The following BRINP3 variants were observed in gnomAD, a reference collection of about 807,000 sequenced individuals.
BRINP3 encodes the protein BMP/retinoic acid inducible neural specific 3.
A neutral mutation model predicts 71.0 loss-of-function variants in BRINP3; 19 were observed. That is an observed-to-expected ratio of 0.27 (90% confidence interval 0.19 to 0.39). BRINP3 has a LOEUF of 0.39. Ranked by LOEUF, BRINP3 falls within the 10% of genes least tolerant of loss-of-function variation. BRINP3 has a pLI of 1.00. For synonymous variants in BRINP3, 380 were observed against 337.7 expected (o/e 1.13, Z -1.37); for missense variants, 959 against 940.8 (o/e 1.02, Z -0.25).
chr1:190,130,902 A>G (rs1654487115), intron 7 of BRINP3, among the ~76,000 whole-genome samples: 1 of 151,874 alleles, frequency 6.6e-6, no homozygotes. Context: ...ATGAAAAGCC[A>G]CCATACATCG....
chr1:190,154,012 T>C, intron 7 of BRINP3: 1 of 813,990 alleles, frequency 1.2e-6, no homozygotes, highest in Non-Finnish European at 1.5e-6. Context: ...AAACAATCCA[T>C]GACTTATATG....
chr1:190,422,146 G>GCAAA (rs1673429826), intron 2 of BRINP3, among the ~76,000 whole-genome samples: 1 of 151,600 alleles, frequency 6.6e-6, no homozygotes, highest in Admixed American at 6.6e-5. Context: ...TCTATATAGT[G>GCAAA]CAAATCATAG....
chr1:190,196,369 G>T (rs1654480237), intron 6 of BRINP3, among the ~76,000 whole-genome samples: 1 of 152,096 alleles, frequency 6.6e-6, no homozygotes, highest in African/African-American at 2.4e-5. Context: ...TAATGGTTCT[G>T]CTAATGTGAC....
intron 1 of BRINP3, among the ~76,000 whole-genome samples, chr1:190,462,500 C>T (rs1676462586): frequency 6.6e-6 from 1 of 152,022 alleles, no homozygotes; most frequent in East Asian, 1.9e-4. Flanking sequence ...ATTGAATAGC[C>T]TGTTCCTCTC....
At chr1:190,477,243 A>T (rs1245674988) in intron 1 of BRINP3, among the ~76,000 whole-genome samples, 3 of 152,214 alleles carry the variant, frequency 2.0e-5, no homozygotes, top group African/African-American at 7.2e-5. Context: ...TTGGGGTAAT[A>T]CATGGGATAT....
At chr1:190,139,539 T>C (rs1031158989) in intron 7 of BRINP3, among the ~76,000 whole-genome samples, 6 of 151,934 alleles carry the variant, frequency 3.9e-5, no homozygotes, top group Non-Finnish European at 7.4e-5. Context: ...CAAAATCATA[T>C]TGAATATGAA....
intron 2 of BRINP3, among the ~76,000 whole-genome samples, chr1:190,386,598 A>AG (rs1305436339): frequency 1.1e-4 from 16 of 152,108 alleles, no homozygotes; most frequent in Middle Eastern, 3.4e-3. Flanking sequence ...TAATTTTGTA[A>AG]GGAATCAATA....
intron 2 of BRINP3, among the ~76,000 whole-genome samples, chr1:190,364,898 A>G (rs114501637): frequency 1.9e-3 from 291 of 152,254 alleles, no homozygotes; most frequent in Non-Finnish European, 3.5e-3. Context: ...GACTATGTAG[A>G]GAATTAATTC....
At chr1:190,101,160 A>G (rs1651667993) in intron 7 of BRINP3, among the ~76,000 whole-genome samples, 2 of 152,136 alleles carry the variant, frequency 1.3e-5, no homozygotes. Context: ...CGAGTCTGTG[A>G]TATTCTCTTA....
chr1:190,431,365 T>G (rs1674087911), intron 2 of BRINP3, among the ~76,000 whole-genome samples: 1 of 152,150 alleles, frequency 6.6e-6, no homozygotes, highest in Admixed American at 6.6e-5. Context: ...TATTTTTATT[T>G]ACTTATATTT....
intron 5 of BRINP3, among the ~76,000 whole-genome samples, chr1:190,227,129 T>A (rs544468753): frequency 2.6e-5 from 4 of 151,936 alleles, no homozygotes; most frequent in African/African-American, 9.6e-5. Context: ...TTTAAACAAA[T>A]AAGTAGGTAA....
At chr1:190,273,867 G>T (rs892160027) in intron 3 of BRINP3, among the ~76,000 whole-genome samples, 6 of 151,516 alleles carry the variant, frequency 4.0e-5, no homozygotes, top group Admixed American at 6.6e-5. Context: ...ATGATAATGT[G>T]GTAGATTATT....
intron 2 of BRINP3, among the ~76,000 whole-genome samples, chr1:190,358,687 A>T (rs2102099822): frequency 6.6e-6 from 1 of 152,300 alleles, no homozygotes; most frequent in South Asian, 2.1e-4. Context: ...ATTATAAATC[A>T]TGCTGCTATA....
chr1:190,157,568 C>G (rs966294959), intron 7 of BRINP3, among the ~76,000 whole-genome samples: 1 of 152,042 alleles, frequency 6.6e-6, no homozygotes, highest in African/African-American at 2.4e-5. Flanking sequence ...CATCTTCTTG[C>G]ACTTTCTATT....
rs545470975 is a variant in BRINP3 at position 190,236,894 on chromosome 1, G to A, written c.619-2417C>T. Among the ~76,000 whole-genome samples, 5 of 151,782 alleles carry A rather than the reference G, an allele frequency of 3.3e-5. No homozygotes were observed. The East Asian group carries it at 5.8e-4, about 18-fold the overall frequency. ...ATCACATGAATATAAACACACACAC[G>A]CCTGCCTTTTTTAGAAAGTTTTCTA... On this transcript the variant is annotated intron_variant, in intron 4 of 7. Coordinates refer to ENST00000367462, the MANE Select transcript of BRINP3 (RefSeq NM_199051.3).
At chr1:190,328,686 T>C (rs1418449073) in intron 2 of BRINP3, among the ~76,000 whole-genome samples, 1 of 148,994 alleles carries the variant, frequency 6.7e-6, no homozygotes, top group Non-Finnish European at 1.5e-5. Flanking sequence ...GAAGCCAGCA[T>C]TACCCTGATA....
intron 2 of BRINP3, among the ~76,000 whole-genome samples, chr1:190,337,511 T>C (rs976701453): frequency 1.3e-5 from 2 of 152,052 alleles, no homozygotes; most frequent in African/African-American, 4.8e-5. Context: ...AGGGCTAGAC[T>C]GGCTGAGTCT....
At position 190,300,812 on chromosome 1, in the gene BRINP3, C is replaced by A. The variant is rs1248560874; in HGVS notation, c.237-19062G>T. 2.0e-5 allele frequency among the ~76,000 whole-genome samples: 3 copies of A among 152,118 alleles called. No homozygotes were observed. In the East Asian group the frequency reaches 5.8e-4, roughly 30 times the overall value. ...CATCAAAGACCAAAAGTAGATAAAA[C>A]CACAAAGATGGGGAAAAAACAGAGC... On this transcript the variant is annotated intron_variant, in intron 2 of 7. Transcript: ENST00000367462.
intron 2 of BRINP3, among the ~76,000 whole-genome samples, chr1:190,304,191 G>C (rs1336928872): frequency 6.6e-6 from 1 of 151,590 alleles, no homozygotes; most frequent in South Asian, 2.1e-4. Context: ...TCATTAAAAT[G>C]TTTCTTTTTT....
Sources: allele counts gnomAD v4.1 joint callset (sites outside exome capture counted in the v4.1 genomes callset), GRCh38; gene constraint gnomAD v4.1.1; transcripts MANE v1.5; gene names NCBI Gene and HGNC (gene_info 2026-07-23, HGNC 2026-07-21).